Variants in CEP170 observed in about 807,000 individuals in gnomAD.
The protein encoded by CEP170 is centrosomal protein 170.
Under a neutral mutation model 151.9 loss-of-function variants are expected in CEP170, and 21 were observed. The observed-to-expected ratio is 0.14, with a 90% CI of 0.10 to 0.20. CEP170 has a LOEUF of 0.20. Ranked by LOEUF, CEP170 falls within the 10% of genes least tolerant of loss-of-function variation. CEP170 has a pLI of 1.00. For missense variants in CEP170, 964 were observed against 1,892.9 expected, an observed-to-expected ratio of 0.51 and a Z score of 9.11; for synonymous variants, 356 against 648.8, an observed-to-expected ratio of 0.55 and a Z score of 6.86.
intron 15 of CEP170, among the ~76,000 whole-genome samples, chr1:243,141,878 A>C (rs2055875532): frequency 6.6e-6 from 1 of 152,238 alleles, no homozygotes; most frequent in African/African-American, 2.4e-5. Flanking sequence ...AGAATTATTA[A>C]AGCAGTGAAA....
At chr1:243,214,967 G>A (rs1487555579) in intron 3 of CEP170, among the ~76,000 whole-genome samples, 2 of 152,138 alleles carry the variant, frequency 1.3e-5, no homozygotes, top group Admixed American at 1.3e-4. Flanking sequence ...TGAATGGAGG[G>A]ACCAGCTGAA....
chr1:243,158,439 G>GT (rs2057758584), intron 13 of CEP170, among the ~76,000 whole-genome samples: 1 of 152,194 alleles, frequency 6.6e-6, no homozygotes, highest in African/African-American at 2.4e-5. Flanking sequence ...ATATGAAAAC[G>GT]TAAGTATGAT....
chr1:243,162,717 T>C (rs1232607763), intron 13 of CEP170, among the ~76,000 whole-genome samples: 4 of 152,158 alleles, frequency 2.6e-5, no homozygotes, highest in African/African-American at 4.8e-5. Flanking sequence ...TCTGGTAACA[T>C]AGAAATTATG....
At chr1:243,159,208 T>C (rs1202271388) in intron 13 of CEP170, among the ~76,000 whole-genome samples, 2 of 152,108 alleles carry the variant, frequency 1.3e-5, no homozygotes, top group African/African-American at 4.8e-5. Context: ...AAAAATGTGA[T>C]TAAAAATCAT....
chr1:243,209,843 C>A (rs867963837), intron 4 of CEP170, among the ~76,000 whole-genome samples: 2 of 152,136 alleles, frequency 1.3e-5, no homozygotes, highest in African/African-American at 2.4e-5. Context: ...CAGGCGCCCG[C>A]CACCATGCCT....
At chr1:243,202,219 T>A (rs1330467070) in intron 4 of CEP170, among the ~76,000 whole-genome samples, 5 of 152,162 alleles carry the variant, frequency 3.3e-5, no homozygotes, top group Non-Finnish European at 5.9e-5. Context: ...AAATACCACA[T>A]GTCCTCACTT....
intron 10 of CEP170, among the ~76,000 whole-genome samples, 189 bp from the exon 11 acceptor site, chr1:243,173,035 G>A (rs1442680565): frequency 6.6e-6 from 1 of 151,782 alleles, no homozygotes; most frequent in East Asian, 1.9e-4. Context: ...ACGAAAGCAG[G>A]CAGTCACAGC....
chr1:243,143,214 T>C (rs556642988), intron 14 of CEP170, among the ~76,000 whole-genome samples: 2 of 152,078 alleles, frequency 1.3e-5, no homozygotes, highest in African/African-American at 4.8e-5. Context: ...AACCCTGCAC[T>C]CTTTCGTAGA....
chr1:243,161,909 A>G (rs1171596783), intron 13 of CEP170, among the ~76,000 whole-genome samples: 2 of 152,258 alleles, frequency 1.3e-5, no homozygotes, highest in Admixed American at 6.5e-5. Flanking sequence ...CCAAATTAGC[A>G]AAATCAAACA....
In CEP170 at chr1:243,165,692, C is replaced by T. The variant is rs1186371902; in HGVS notation, c.2268G>A (p.Glu756=). 1 of 1,614,080 alleles carries T rather than the reference C, an allele frequency of 6.2e-7. No individual in the cohort carries two copies. Among genetic ancestry groups the T allele is most frequent in the East Asian group, 2.2e-5 (1 of 44,888 alleles). The change falls in exon 13 of 20, where the codon GAG becomes GAA. Residue 756 remains glutamate, a synonymous_variant. Transcript: ENST00000366542. Reference sequence around the variant, plus strand: ...ACAATTTAGTAGGTGTCCACTGAGCCTCCTCCCTTTGTTCTTGTTGTTGAA... The same window carrying T: ...ACAATTTAGTAGGTGTCCACTGAGCTTCCTCCCTTTGTTCTTGTTGTTGAA... ...AKLQQQEQRE[E]AQWTPTKLSS... is the part of the protein sequence containing the mutation.
At chr1:243,249,087 T>C (rs1312271685) in intron 1 of CEP170, among the ~76,000 whole-genome samples, 1 of 152,152 alleles carries the variant, frequency 6.6e-6, no homozygotes, top group African/African-American at 2.4e-5. Flanking sequence ...TTTTTTTGTG[T>C]CATAGAGGGG....
At chr1:243,193,506 C>T (rs1201760128) in intron 7 of CEP170, among the ~76,000 whole-genome samples, 15 of 152,000 alleles carry the variant, frequency 9.9e-5, no homozygotes, top group Non-Finnish European at 1.5e-5. Flanking sequence ...ACTGATGTGG[C>T]TCAGCTATGA....
chr1:243,157,241 A>G (rs1024579365), intron 13 of CEP170, among the ~76,000 whole-genome samples: 2 of 152,236 alleles, frequency 1.3e-5, no homozygotes, highest in Non-Finnish European at 2.9e-5. Flanking sequence ...GAAAGTGGCA[A>G]TCACTTTCTT....
At chr1:243,220,048 C>G (rs1324988962) in intron 3 of CEP170, among the ~76,000 whole-genome samples, 4 of 152,232 alleles carry the variant, frequency 2.6e-5, no homozygotes, top group Non-Finnish European at 5.9e-5. Flanking sequence ...ACAACAGTTT[C>G]TACCTACTTT....
intron 9 of CEP170, 65 bp from the exon 10 acceptor site, chr1:243,186,137 T>C: frequency 1.9e-6 from 3 of 1,613,404 alleles, no homozygotes; most frequent in East Asian, 2.2e-5. Flanking sequence ...AAGTTTTGTA[T>C]GTGGTGTTGA....
intron 3 of CEP170, among the ~76,000 whole-genome samples, chr1:243,219,394 A>G (rs1457877725): frequency 6.6e-6 from 1 of 152,238 alleles, no homozygotes; most frequent in African/African-American, 2.4e-5. Context: ...CTGCTGATAA[A>G]TAACAGATCT....
intron 17 of CEP170, among the ~76,000 whole-genome samples, chr1:243,131,119 C>T (rs1265850180): frequency 6.6e-6 from 1 of 151,968 alleles, no homozygotes; most frequent in African/African-American, 2.4e-5. Flanking sequence ...GACATTTCAC[C>T]TTTGGTGAAA....
At chr1:243,254,416 T>G (rs554123201) in intron 1 of CEP170, 1 of 152,052 alleles carries the variant, frequency 6.6e-6, no homozygotes, top group South Asian at 2.1e-4. Context: ...CTCCCCCGGG[T>G]TTACTACAGA....
At chr1:243,201,806 T>G (rs1425393294) in intron 4 of CEP170, among the ~76,000 whole-genome samples, 1 of 152,154 alleles carries the variant, frequency 6.6e-6, no homozygotes, top group Non-Finnish European at 1.5e-5. Context: ...GTTTCATAAA[T>G]AAAGAACCTG....
Sources: allele counts gnomAD v4.1 joint callset (sites outside exome capture counted in the v4.1 genomes callset), GRCh38; gene constraint gnomAD v4.1.1; transcripts MANE v1.5; gene names NCBI Gene and HGNC (gene_info 2026-07-23, HGNC 2026-07-21).